NAALADL2: variants seen among roughly 807,000 people sequenced by gnomAD.
NAALADL2 encodes inactive N-acetylated-alpha-linked acidic dipeptidase-like protein 2.
NAALADL2 carries 76 observed loss-of-function variants against 87.2 expected under a neutral mutation model. The ratio of observed to expected loss-of-function variants is 0.87; its 90% CI spans 0.72 to 1.05. The LOEUF (loss-of-function observed/expected upper bound fraction) is 1.05. Ranked by LOEUF, NAALADL2 falls within the 50% of genes least tolerant of loss-of-function variation. The pLI, the probability that NAALADL2 is intolerant of heterozygous loss-of-function variation, is 0.00. For missense variants in NAALADL2, 1,089 were observed against 945.8 expected (o/e 1.15, Z -1.99); for synonymous variants, 354 against 331.0 (o/e 1.07, Z -0.75).
chr3:175,589,247 T>C (rs1560809051), intron 10 of NAALADL2, among the ~76,000 whole-genome samples: 1 of 152,146 alleles, frequency 6.6e-6, no homozygotes, highest in Non-Finnish European at 1.5e-5. Context: ...TAGCATAATA[T>C]AAATAAAATA....
chr3:175,677,413 C>G (rs1734948803), intron 11 of NAALADL2, among the ~76,000 whole-genome samples: 1 of 148,834 alleles, frequency 6.7e-6, no homozygotes, highest in East Asian at 2.0e-4. Context: ...ATTTTTTTAT[C>G]ATTATTATTA....
At chr3:175,325,975 C>G (rs1432054626) in intron 5 of NAALADL2, among the ~76,000 whole-genome samples, 2 of 152,104 alleles carry the variant, frequency 1.3e-5, no homozygotes, top group Non-Finnish European at 2.9e-5. Context: ...TACAAGGTTG[C>G]AATTTTCCAA....
chr3:175,301,092 G>C (rs55995004), intron 4 of NAALADL2, among the ~76,000 whole-genome samples: 3 of 151,882 alleles, frequency 2.0e-5, no homozygotes, highest in Non-Finnish European at 4.4e-5. Flanking sequence ...TCGTGTCTCT[G>C]TCTCTTTCAG....
At chr3:174,482,740 G>C (rs2108332856) in intron 1 of NAALADL2, among the ~76,000 whole-genome samples, 1 of 151,974 alleles carries the variant, frequency 6.6e-6, no homozygotes, top group African/African-American at 2.4e-5. Context: ...TCTGGCCCTG[G>C]ATATATTTGA....
chr3:174,960,934 G>T (rs1023870413), intron 1 of NAALADL2, among the ~76,000 whole-genome samples: 3 of 151,468 alleles, frequency 2.0e-5, no homozygotes, highest in Non-Finnish European at 4.4e-5. Context: ...CTACTTAAGA[G>T]GCTGAAGCAG....
At chr3:174,726,179 G>T (rs539656583) in intron 2 of NAALADL2, among the ~76,000 whole-genome samples, 1 of 152,040 alleles carries the variant, frequency 6.6e-6, no homozygotes, top group African/African-American at 2.4e-5. Flanking sequence ...AGGAAAAGGC[G>T]GGCCTCTGTA....
chr3:175,795,626 T>G (rs1484157273), intron 13 of NAALADL2, among the ~76,000 whole-genome samples: 1 of 151,688 alleles, frequency 6.6e-6, no homozygotes, highest in African/African-American at 2.4e-5. Flanking sequence ...GAGCTTGCAG[T>G]GAGCAGAGAT....
chr3:175,337,970 T>G (rs2042126), intron 5 of NAALADL2, among the ~76,000 whole-genome samples: 65,283 of 151,972 alleles, frequency 0.43, 15,164 homozygotes, highest in East Asian at 0.7. Context: ...GAGTGGTGTA[T>G]GGAAACCCTG....
intron 3 of NAALADL2, among the ~76,000 whole-genome samples, chr3:174,818,591 A>G (rs192312753): frequency 1.3e-5 from 2 of 152,070 alleles, no homozygotes; most frequent in Middle Eastern, 3.2e-3. Flanking sequence ...TGGATTTCTT[A>G]TTTTCTCCTT....
chr3:174,891,598 A>G (rs1428278757), intron 1 of NAALADL2, among the ~76,000 whole-genome samples: 2 of 152,144 alleles, frequency 1.3e-5, no homozygotes, highest in African/African-American at 2.4e-5. Context: ...CAGAGGGAAC[A>G]TTAAAACCGG....
intron 2 of NAALADL2, among the ~76,000 whole-genome samples, chr3:174,728,638 T>C (rs1316756682): frequency 6.6e-6 from 1 of 152,016 alleles, no homozygotes; most frequent in Non-Finnish European, 1.5e-5. Context: ...CCATAAAATA[T>C]GATTTATGTG....
chr3:174,882,099 G>C (rs1407561680), intron 1 of NAALADL2, among the ~76,000 whole-genome samples: 1 of 151,982 alleles, frequency 6.6e-6, no homozygotes, highest in African/African-American at 2.4e-5. Flanking sequence ...TGTATTTAAG[G>C]TGTTACAGAA....
At chr3:174,713,702 C>T (rs1730907937) in intron 2 of NAALADL2, among the ~76,000 whole-genome samples, 1 of 151,456 alleles carries the variant, frequency 6.6e-6, no homozygotes, top group Non-Finnish European at 1.5e-5. Context: ...GGATATTAGC[C>T]CTTTGTCAGA....
chr3:175,245,571 C>T (rs1018452323), intron 3 of NAALADL2, among the ~76,000 whole-genome samples: 7 of 152,258 alleles, frequency 4.6e-5, no homozygotes, highest in Middle Eastern at 3.4e-3. Flanking sequence ...TCTGGTTTAT[C>T]TATGTTATTT....
intron 6 of NAALADL2, among the ~76,000 whole-genome samples, chr3:175,458,830 C>T (rs1486172881): frequency 6.6e-6 from 1 of 152,032 alleles, no homozygotes; most frequent in Non-Finnish European, 1.5e-5. Flanking sequence ...TCTGTCTGCC[C>T]CTACCACAAT....
In NAALADL2 at chr3:174,552,795, C is replaced by CAA. The variant is rs1164243901; in HGVS notation, c.-115+2186_-115+2187dup. ...TGGGCAGCAGAGTGAGACCCTGCCT[C>CAA]AAAAAAAAAAAAAAAAAAAAAAAAA... On this transcript the variant is annotated intron_variant, in intron 2 of 3. Transcript: ENST00000434257. Among the ~76,000 whole-genome samples, 86 of 55,954 alleles carry CAA rather than the reference C, an allele frequency of 1.5e-3. 3 individuals are homozygous for CAA. Among genetic ancestry groups the CAA allele is most frequent in the Non-Finnish European group, 2.1e-3 (55 of 26,670 alleles). The allele number at this position is 55,954 out of a possible 152,430, so 36.7% of individuals were successfully genotyped here.
At chr3:175,308,990 G>A (rs1758021874) in intron 4 of NAALADL2, among the ~76,000 whole-genome samples, 1 of 152,058 alleles carries the variant, frequency 6.6e-6, no homozygotes, top group African/African-American at 2.4e-5. Flanking sequence ...GCATGCCCAG[G>A]AGTGAAAATA....
chr3:174,712,105 T>C (rs1730694679), intron 2 of NAALADL2, among the ~76,000 whole-genome samples: 1 of 152,040 alleles, frequency 6.6e-6, no homozygotes, highest in African/African-American at 2.4e-5. Flanking sequence ...TGAATTTCTT[T>C]TGCAGATCTG....
chr3:174,577,238 TA>T (rs1311185581), intron 2 of NAALADL2, among the ~76,000 whole-genome samples: 1 of 152,098 alleles, frequency 6.6e-6, no homozygotes, highest in African/African-American at 2.4e-5. Context: ...TATGTTCTCT[TA>T]AAAAAACCAA....
Sources: gnomAD v4.1 joint callset for allele counts (sites outside exome capture counted in the v4.1 genomes callset) on GRCh38, gnomAD v4.1.1 for gene constraint, MANE v1.5 for transcripts, NCBI Gene and HGNC (gene_info 2026-07-23, HGNC 2026-07-21) for gene names.